RBM46: variants seen among roughly 807,000 people sequenced by gnomAD.
RBM46 encodes probable RNA-binding protein 46.
In RBM46, 12 loss-of-function variants were observed where a neutral mutation model predicts 43.3. The observed-to-expected ratio is 0.28, with a 90% CI of 0.18 to 0.45. RBM46 has a LOEUF of 0.45. Among genes scored for constraint, RBM46 ranks in the 20% least tolerant of loss-of-function variants. RBM46 has a pLI of 1.00. For missense variants in RBM46, 412 were observed against 639.1 expected (o/e 0.64, Z 3.83); for synonymous variants, 205 against 207.6 (o/e 0.99, Z 0.11).
intron 4 of RBM46, among the ~76,000 whole-genome samples, chr4:154,801,556 A>G (rs1734641093): frequency 6.6e-6 from 1 of 152,200 alleles, no homozygotes; most frequent in African/African-American, 2.4e-5. Flanking sequence ...TTGGAGTGGG[A>G]TGTAATTAGT....
At chr4:154,815,299 T>C (rs1400264464) in intron 4 of RBM46, among the ~76,000 whole-genome samples, 1 of 152,008 alleles carries the variant, frequency 6.6e-6, no homozygotes, top group South Asian at 2.1e-4. Context: ...GAACATAGTG[T>C]TTTTGGTGCT....
intron 4 of RBM46, among the ~76,000 whole-genome samples, chr4:154,822,160 G>T (rs951286360): frequency 6.6e-6 from 1 of 151,604 alleles, no homozygotes; most frequent in African/African-American, 2.4e-5. Flanking sequence ...GGTTCATTTT[G>T]ATTTATGTCT....
At chr4:154,801,458 G>A (rs1421069608) in intron 4 of RBM46, among the ~76,000 whole-genome samples, 1 of 152,072 alleles carries the variant, frequency 6.6e-6, no homozygotes, top group African/African-American at 2.4e-5. Context: ...TTTCAATAAA[G>A]ACCATCTAAG....
intron 4 of RBM46, among the ~76,000 whole-genome samples, chr4:154,816,321 GT>G (rs2111194974): frequency 1.3e-5 from 2 of 152,122 alleles, no homozygotes; most frequent in East Asian, 3.9e-4. Flanking sequence ...CTGTAGATCA[GT>G]TTGGGAACAA....
At chr4:154,820,308 A>T (rs1446407867) in intron 4 of RBM46, 14 of 1,161,766 alleles carry the variant, frequency 1.2e-5, no homozygotes, top group Non-Finnish European at 1.7e-5. Context: ...CACTTCCAAG[A>T]TAGGGATAAC....
intron 1 of RBM46, among the ~76,000 whole-genome samples, chr4:154,783,214 G>T (rs1186501743): frequency 6.6e-6 from 1 of 152,162 alleles, no homozygotes; most frequent in African/African-American, 2.4e-5. Context: ...TTTGATTGCT[G>T]ATTTTCACTT....
chr4:154,816,041 A>G (rs913115627), intron 4 of RBM46, among the ~76,000 whole-genome samples: 4 of 152,238 alleles, frequency 2.6e-5, no homozygotes, highest in South Asian at 4.1e-4. Context: ...GTGTATATAC[A>G]CTGCCTTCTA....
chr4:154,814,385 T>C (rs1735325816), intron 4 of RBM46, among the ~76,000 whole-genome samples: 1 of 152,024 alleles, frequency 6.6e-6, no homozygotes, highest in Admixed American at 6.6e-5. Context: ...ATGACACAAA[T>C]AAGATGGTAA....
intron 4 of RBM46, among the ~76,000 whole-genome samples, chr4:154,818,685 C>A (rs765284755): frequency 2.9e-4 from 39 of 136,234 alleles, no homozygotes; most frequent in Non-Finnish European, 5.2e-4. Context: ...CATTTTCTCT[C>A]TTATTTATGG....
At chr4:154,805,767 G>GT (rs1477895265) in intron 4 of RBM46, among the ~76,000 whole-genome samples, 8 of 151,746 alleles carry the variant, frequency 5.3e-5, no homozygotes, top group Non-Finnish European at 1.0e-4. Flanking sequence ...CTTTCTCCAG[G>GT]TTTTTTTAAC....
chr4:154,812,791 T>C (rs968367744), intron 4 of RBM46, among the ~76,000 whole-genome samples: 2 of 152,196 alleles, frequency 1.3e-5, no homozygotes, highest in Non-Finnish European at 2.9e-5. Context: ...GCCATACATT[T>C]CCTGCTGTGA....
At chr4:154,791,972 TA>T (rs59932273) in intron 1 of RBM46, among the ~76,000 whole-genome samples, 2 of 152,014 alleles carry the variant, frequency 1.3e-5, no homozygotes, top group Admixed American at 6.6e-5. Flanking sequence ...TGTTATAATC[TA>T]AAAAAAATTG....
intron 1 of RBM46, chr4:154,790,395 T>C (rs1734023389): frequency 1.3e-5 from 2 of 152,174 alleles, no homozygotes; most frequent in African/African-American, 4.8e-5. Flanking sequence ...TAAATGGATT[T>C]TTGGAGCCAG....
rs116648400 is a variant in RBM46 at position 154,797,807 on chromosome 4, T to G, written c.152-4T>G. 1,153 of 1,507,346 alleles carry G rather than the reference T, an allele frequency of 7.6e-4. 6 individuals are homozygous for G. The African/African-American group carries it at 0.014, about 18-fold the overall frequency. 93.4% of individuals were successfully genotyped at this position (1,507,346 alleles called of 1,614,324 possible). ...TTATGTGTCTTTTCATTTTTGTCGT[T>G]CAGGTTGGGAAGGTCCACCTCCACC... On this transcript the variant is annotated splice_polypyrimidine_tract_variant and splice_region_variant and intron_variant, in intron 2 of 4. Coordinates refer to ENST00000281722, the MANE Select transcript of RBM46 (RefSeq NM_144979.5).
chr4:154,820,336 A>G (rs1157052558), intron 4 of RBM46: 3 of 1,472,576 alleles, frequency 2.0e-6, no homozygotes, highest in Non-Finnish European at 1.8e-6. Flanking sequence ...TAAAGACTCA[A>G]TTATTTTCTG....
chr4:154,799,123 G>A lies in RBM46; in HGVS notation c.961G>A (p.Gly321Ser), dbSNP rs753371675. Residue 321 changes from glycine to serine, a missense_variant, in exon 4 of 5, where the codon GGT (glycine) becomes AGT (serine). Transcript: ENST00000281722. ...AAACACTTGGAGACAGCATCTTAAT[G>A]GTCAGATTAGTCCAAATTCTGAAAA... ...KENTWRQHLN[G>S]QISPNSENLI... 2.5e-6 allele frequency: 4 copies of A among 1,613,968 alleles called. No homozygotes were observed. In the South Asian group the frequency reaches 3.3e-5, roughly 13 times the overall value.
intron 4 of RBM46, among the ~76,000 whole-genome samples, chr4:154,803,887 G>T (rs1224464879): frequency 6.6e-6 from 1 of 151,996 alleles, no homozygotes; most frequent in African/African-American, 2.4e-5. Flanking sequence ...GGTCTGGTGG[G>T]AGGTGATTGG....
At chr4:154,805,769 T>G (rs1169139000) in intron 4 of RBM46, among the ~76,000 whole-genome samples, 11 of 151,974 alleles carry the variant, frequency 7.2e-5, no homozygotes. Context: ...TTCTCCAGGT[T>G]TTTTTAACTT....
At chr4:154,826,887 T>C in intron 4 of RBM46, 1 of 1,466,718 alleles carries the variant, frequency 6.8e-7, no homozygotes. Flanking sequence ...TCATTTATAG[T>C]ACCAGGACAG....
Sources: gnomAD v4.1 joint callset for allele counts (sites outside exome capture counted in the v4.1 genomes callset) on GRCh38, gnomAD v4.1.1 for gene constraint, MANE v1.5 for transcripts, NCBI Gene and HGNC (gene_info 2026-07-23, HGNC 2026-07-21) for gene names.